EFL1: variants seen among roughly 807,000 people sequenced by gnomAD.
EFL1 encodes elongation factor-like GTPase 1.
EFL1 carries 76 observed loss-of-function variants against 126.7 expected under a neutral mutation model. The ratio of observed to expected loss-of-function variants is 0.60; its 90% CI spans 0.50 to 0.73. The LOEUF (loss-of-function observed/expected upper bound fraction) is 0.73. EFL1 is among the 30% of genes least tolerant of loss of function. The pLI is 0.00. For missense variants in EFL1, 1,128 were observed against 1,343.2 expected (o/e 0.84, Z 2.50); for synonymous variants, 410 against 448.4 (o/e 0.91, Z 1.08).
intron 7 of EFL1, among the ~76,000 whole-genome samples, chr15:82,236,215 T>A (rs1165424020): frequency 6.6e-6 from 1 of 152,040 alleles, no homozygotes; most frequent in Non-Finnish European, 1.5e-5. Context: ...TAGAAAAAAT[T>A]CAACATAGCA....
At chr15:82,198,052 C>T (rs891199125) in intron 15 of EFL1, among the ~76,000 whole-genome samples, 3 of 152,166 alleles carry the variant, frequency 2.0e-5, no homozygotes, top group African/African-American at 7.2e-5. Context: ...AACCCTAAGG[C>T]CCTTTATAAA....
At chr15:82,173,698 C>T (rs1183940328) in intron 15 of EFL1, among the ~76,000 whole-genome samples, 1 of 151,810 alleles carries the variant, frequency 6.6e-6, no homozygotes. Context: ...ACTTTAAATG[C>T]ATAAATAAAA....
intron 15 of EFL1, chr15:82,174,169 A>G: frequency 6.6e-6 from 1 of 151,430 alleles, no homozygotes; most frequent in Non-Finnish European, 1.5e-5. Flanking sequence ...AGCCTGGGTG[A>G]CAGAGCGAGA....
At chr15:82,149,728 CATAA>C (rs2073887659) in intron 18 of EFL1, among the ~76,000 whole-genome samples, 1 of 152,112 alleles carries the variant, frequency 6.6e-6, no homozygotes, top group African/African-American at 2.4e-5. Context: ...ATTTCAAATA[CATAA>C]AAGAGTTGTT....
chr15:82,200,453 G>C (rs562255917), intron 15 of EFL1, among the ~76,000 whole-genome samples: 1 of 152,112 alleles, frequency 6.6e-6, no homozygotes, highest in Non-Finnish European at 1.5e-5. Flanking sequence ...GCAGCTTCTG[G>C]GGGGTAATCT....
intron 12 of EFL1, 42 bp downstream of exon 12, chr15:82,225,123 C>A (rs1365608650): frequency 9.4e-6 from 14 of 1,485,252 alleles, no homozygotes; most frequent in Non-Finnish European, 1.3e-5. Context: ...ACCAAACATA[C>A]ACCATATTCC....
At chr15:82,209,813 T>C (rs775426854) in intron 15 of EFL1, among the ~76,000 whole-genome samples, 2 of 152,258 alleles carry the variant, frequency 1.3e-5, no homozygotes, top group Non-Finnish European at 1.5e-5. Flanking sequence ...AAGTGACTTA[T>C]AGCTGAGTTC....
At chr15:82,145,303 CAA>C (rs59928134) in intron 18 of EFL1, among the ~76,000 whole-genome samples, 16 of 96,480 alleles carry the variant, frequency 1.7e-4, no homozygotes, top group Admixed American at 4.8e-4. Flanking sequence ...AACTCTGTCT[CAA>C]AAAAAAAAAA....
At chr15:82,156,053 T>C (rs1038564047) in intron 17 of EFL1, among the ~76,000 whole-genome samples, 11 of 152,332 alleles carry the variant, frequency 7.2e-5, no homozygotes, top group Admixed American at 6.5e-4. Flanking sequence ...TGTCTTTTGA[T>C]GATCAAGGTT....
At chr15:82,173,049 A>G (rs2074153232) in intron 15 of EFL1, among the ~76,000 whole-genome samples, 1 of 152,238 alleles carries the variant, frequency 6.6e-6, no homozygotes, top group Non-Finnish European at 1.5e-5. Context: ...AGAAAAACTC[A>G]TCTATGTGCA....
intron 15 of EFL1, among the ~76,000 whole-genome samples, chr15:82,190,672 T>C (rs2074350099): frequency 6.6e-6 from 1 of 152,218 alleles, no homozygotes; most frequent in Non-Finnish European, 1.5e-5. Flanking sequence ...GGCTGGCAAG[T>C]AGAATCACAA....
chr15:82,243,589 C>T (rs1321057413), intron 4 of EFL1, among the ~76,000 whole-genome samples: 6 of 87,300 alleles, frequency 6.9e-5, no homozygotes, highest in Non-Finnish European at 1.4e-4. Context: ...ACGACCGGGA[C>T]CTGATACTGA....
chr15:82,150,822 C>A (rs2073898525), intron 18 of EFL1, among the ~76,000 whole-genome samples: 1 of 152,166 alleles, frequency 6.6e-6, no homozygotes, highest in Non-Finnish European at 1.5e-5. Context: ...TTCAGAACAA[C>A]TTTGGTTACC....
chr15:82,245,272 C>T (rs1282404244), intron 4 of EFL1, among the ~76,000 whole-genome samples: 1 of 152,008 alleles, frequency 6.6e-6, no homozygotes, highest in Non-Finnish European at 1.5e-5. Flanking sequence ...CTGCCTCAGC[C>T]TCCCAAGTAG....
At chr15:82,195,980 T>G (rs954784861) in intron 15 of EFL1, among the ~76,000 whole-genome samples, 1 of 151,670 alleles carries the variant, frequency 6.6e-6, no homozygotes, top group African/African-American at 2.4e-5. Context: ...TCTGACGCAG[T>G]TGGGGAAGGC....
chr15:82,246,517 G>A (rs1434212734), intron 4 of EFL1, among the ~76,000 whole-genome samples: 1 of 152,010 alleles, frequency 6.6e-6, no homozygotes, highest in African/African-American at 2.4e-5. Context: ...TAAGAAGGGG[G>A]AAGAGGGAAA....
chr15:82,238,383 C>A lies in EFL1; in HGVS notation c.655G>T (p.Asp219Tyr), dbSNP rs998857499. 1 of 1,614,116 alleles carries A rather than the reference C, an allele frequency of 6.2e-7. No homozygotes were observed. Among genetic ancestry groups the A allele is most frequent in the African/African-American group, 1.3e-5 (1 of 74,944 alleles). The change falls in exon 7 of 20, where the codon GAT (aspartate) becomes TAT (tyrosine). Residue 219 changes from aspartate (D) to tyrosine (Y), a missense_variant. By Grantham distance (160) the Asp-to-Tyr change is radical. Transcript: ENST00000268206. Reference sequence around the variant, plus strand: ...GGAGAGAAGTAAAGGTGAGAATCATCTGTGTCCTCCAAGCCAGTGCTCCAG... The same window carrying A: ...GGAGAGAAGTAAAGGTGAGAATCATATGTGTCCTCCAAGCCAGTGCTCCAG... ...YDWSTGLEDT[D>Y]DSHLYFSPEQ...
At chr15:82,238,711 T>C (rs2074900012) in intron 6 of EFL1, among the ~76,000 whole-genome samples, 190 bp from the exon 7 acceptor site, 1 of 152,202 alleles carries the variant, frequency 6.6e-6, no homozygotes, top group African/African-American at 2.4e-5. Context: ...AAACTCAGCA[T>C]AACTAAATTA....
chr15:82,181,160 G>A (rs947751958), intron 15 of EFL1, among the ~76,000 whole-genome samples: 9 of 152,174 alleles, frequency 5.9e-5, no homozygotes, highest in Non-Finnish European at 1.3e-4. Context: ...GGTCTTATGA[G>A]TCTATTAGCA....
Sources: allele counts gnomAD v4.1 joint callset (sites outside exome capture counted in the v4.1 genomes callset), GRCh38; gene constraint gnomAD v4.1.1; transcripts MANE v1.5; gene names NCBI Gene and HGNC (gene_info 2026-07-23, HGNC 2026-07-21).